Variants in HMGN5 observed in about 807,000 individuals in gnomAD.
HMGN5 encodes high mobility group nucleosome-binding domain-containing protein 5.
Under a neutral mutation model 9.5 loss-of-function variants are expected in HMGN5, and 4 were observed. The ratio of observed to expected loss-of-function variants is 0.42; its 90% CI spans 0.21 to 0.96. The LOEUF (loss-of-function observed/expected upper bound fraction) is 0.96, where lower values mean the gene tolerates loss of function less well. Ranked by LOEUF, HMGN5 falls within the 40% of genes least tolerant of loss-of-function variation. HMGN5 has a pLI of 0.30. For missense variants in HMGN5, 192 were observed against 187.5 expected, an observed-to-expected ratio of 1.02 and a Z score of -0.14; for synonymous variants, 55 against 57.1, an observed-to-expected ratio of 0.96 and a Z score of 0.16.
chrX:81,186,868 C>T (rs2075478963), intron 1 of HMGN5, among the ~76,000 whole-genome samples: 1 of 110,765 alleles, frequency 9.0e-6, no homozygotes, highest in African/African-American at 3.3e-5. Flanking sequence ...GTGCTTTTGC[C>T]GTATCTCATA....
At chrX:81,199,727 T>C (rs778138403) in intron 1 of HMGN5, among the ~76,000 whole-genome samples, 4 of 111,922 alleles carry the variant, frequency 3.6e-5, no homozygotes, top group African/African-American at 1.3e-4. Flanking sequence ...AAAAATTGAC[T>C]CAAGATGGAT....
At chrX:81,132,065 CAACA>C (rs946090637) in intron 1 of HMGN5, among the ~76,000 whole-genome samples, 1 of 110,835 alleles carries the variant, frequency 9.0e-6, no homozygotes, top group Non-Finnish European at 1.9e-5. Flanking sequence ...TATTATACAC[CAACA>C]ACAGTCAAGC....
At chrX:81,160,075 G>C (rs971456616) in intron 1 of HMGN5, among the ~76,000 whole-genome samples, 1 of 111,744 alleles carries the variant, frequency 8.9e-6, no homozygotes, top group Admixed American at 9.5e-5. Flanking sequence ...AAATGCTTGT[G>C]ATGTTGTTGT....
chrX:81,191,959 A>G (rs937968970), intron 1 of HMGN5, among the ~76,000 whole-genome samples: 9 of 110,696 alleles, frequency 8.1e-5, no homozygotes, highest in African/African-American at 2.9e-4. Flanking sequence ...ACACTATTGA[A>G]GCTGATTGTG....
At chrX:81,115,625 T>C (rs1263976867) in intron 6 of HMGN5, among the ~76,000 whole-genome samples, 1 of 112,178 alleles carries the variant, frequency 8.9e-6, no homozygotes, top group Non-Finnish European at 1.9e-5. Flanking sequence ...ATTTTGTTTC[T>C]ATAATAATGA....
In HMGN5 at chrX:81,139,516, T is replaced by A. The variant is rs775432915; in HGVS notation, c.-123-17844A>T. Among the ~76,000 whole-genome samples the A allele has an allele frequency of 5.4e-5, 6 of 110,665 alleles. 1 individual carries two copies. The South Asian group carries it at 2.3e-3, about 42-fold the overall frequency. Reference sequence around the variant, plus strand: ...CTATCTACACAGAAAAAAAAAAACATCTTCATAAGAAGCAAAAATCAGGTG... The same window carrying A: ...CTATCTACACAGAAAAAAAAAAACAACTTCATAAGAAGCAAAAATCAGGTG... On this transcript the variant is annotated intron_variant, in intron 1 of 6. Transcript: ENST00000358130.
rs1447069150 is a variant in HMGN5, at chrX:81,114,932, C to A, written c.566G>T (p.Gly189Val). 1 of 1,160,716 alleles carries A rather than the reference C, an allele frequency of 8.6e-7. No homozygotes were observed. ...GEDGKGNGED[G>V]KEKGEDEKEE... ...TTTTTCATCTTCTCCTTTCTCTTTT[C>A]CATCTTCTCCATTTCCTTTTCCGTC... is the stretch of plus-strand genomic sequence containing the variant. Residue 189 changes from glycine (G) to valine (V), a missense_variant, in exon 7 of 7, where the codon GGA becomes GTA. Physicochemically the swap from Gly to Val is moderately radical, Grantham distance 109 (BLOSUM62 -3). Coordinates refer to ENST00000358130, the MANE Select transcript of HMGN5 (RefSeq NM_030763.3).
At chrX:81,121,138 C>T (rs755879708) in intron 2 of HMGN5, among the ~76,000 whole-genome samples, 1 of 109,749 alleles carries the variant, frequency 9.1e-6, no homozygotes, top group South Asian at 4.2e-4. Context: ...TTTCGTTCCC[C>T]AGACGGGACG....
intron 1 of HMGN5, among the ~76,000 whole-genome samples, chrX:81,172,721 A>C (rs1198766047): frequency 9.0e-6 from 1 of 111,147 alleles, no homozygotes; most frequent in Non-Finnish European, 1.9e-5. Context: ...CATGATCATA[A>C]AACATAACAT....
intron 1 of HMGN5, among the ~76,000 whole-genome samples, chrX:81,190,975 G>A (rs985853758): frequency 9.0e-6 from 1 of 111,313 alleles, no homozygotes; most frequent in Non-Finnish European, 1.9e-5. Context: ...TAGCTTTATA[G>A]TATGCCTTGA....
intron 6 of HMGN5, among the ~76,000 whole-genome samples, chrX:81,115,969 A>G (rs1304791761): frequency 8.9e-6 from 1 of 111,923 alleles, no homozygotes; most frequent in Non-Finnish European, 1.9e-5. Flanking sequence ...ACTAAGTCAT[A>G]ATCATTGGCA....
At chrX:81,155,942 G>A (rs192329061) in intron 1 of HMGN5, among the ~76,000 whole-genome samples, 1 of 111,567 alleles carries the variant, frequency 9.0e-6, no homozygotes, top group East Asian at 2.8e-4. Context: ...ATGTGAACAA[G>A]GTCAGAGGAT....
In HMGN5 at chrX:81,115,177, A is replaced by G. The variant is rs1183434045; in HGVS notation, c.321T>C (p.Asp107=). 1.7e-6 allele frequency: 2 copies of G among 1,172,140 alleles called. No homozygotes were observed. The highest frequency in any genetic ancestry group is 6.1e-5 in the East Asian group (2 of 32,807). The change falls in exon 7 of 7, where the codon GAT becomes GAC. Residue 107 remains aspartate, a synonymous_variant. Coordinates refer to ENST00000358130, the MANE Select transcript of HMGN5 (RefSeq NM_030763.3). ...TCTTTTCTCCTCCCTTTTCTGTGGC[A>G]TCTTCAATATTTTCTTCTTTTACTT... is the stretch of plus-strand genomic sequence containing the variant. ...IVEVKEENIE[D]ATEKGGEKKE... is the part of the protein sequence containing the mutation.
intron 1 of HMGN5, among the ~76,000 whole-genome samples, chrX:81,135,778 T>C (rs1336811337): frequency 9.0e-6 from 1 of 110,699 alleles, no homozygotes; most frequent in Non-Finnish European, 1.9e-5. Context: ...GTGCTATGTT[T>C]TGGATGTGTT....
Position 81,176,066 on chromosome X carries a change from G to A in HMGN5, c.-124+25671C>T, listed in dbSNP as rs958861273. On this transcript the variant is annotated intron_variant, in intron 1 of 6. Coordinates refer to ENST00000358130, the MANE Select transcript of HMGN5 (RefSeq NM_030763.3). ...ATATAGGTGGGTGCCCCTCTGGGAG[G>A]AAGCTTCCAGAGGAAGGATCAGCCA... 8.1e-5 allele frequency among the ~76,000 whole-genome samples: 9 copies of A among 111,410 alleles called. 1 individual carries two copies. Among genetic ancestry groups the A allele is most frequent in the African/African-American group, 2.6e-4 (8 of 30,622 alleles).
chrX:81,188,053 C>T (rs1448430504), intron 1 of HMGN5, among the ~76,000 whole-genome samples: 2 of 109,609 alleles, frequency 1.8e-5, no homozygotes, highest in Non-Finnish European at 3.8e-5. Context: ...GTTGTTTCTA[C>T]TTATATCTTA....
intron 1 of HMGN5, among the ~76,000 whole-genome samples, chrX:81,144,684 G>A (rs1431073041): frequency 9.0e-6 from 1 of 111,423 alleles, no homozygotes; most frequent in Non-Finnish European, 1.9e-5. Flanking sequence ...CAGAAGGTGG[G>A]TAATAACAAA....
At chrX:81,201,217 C>CTT (rs201784414) in intron 1 of HMGN5, among the ~76,000 whole-genome samples, 2 of 108,945 alleles carry the variant, frequency 1.8e-5, no homozygotes, top group African/African-American at 6.7e-5. Flanking sequence ...TTGCAAATTC[C>CTT]TTTTTTTCTG....
At chrX:81,125,491 A>G (rs756560637) in intron 1 of HMGN5, among the ~76,000 whole-genome samples, 1 of 111,399 alleles carries the variant, frequency 9.0e-6, no homozygotes, top group South Asian at 3.8e-4. Flanking sequence ...CTCTGGAAAA[A>G]CTGTAATTCT....
Sources: gnomAD v4.1 joint callset for allele counts (sites outside exome capture counted in the v4.1 genomes callset) on GRCh38, gnomAD v4.1.1 for gene constraint, MANE v1.5 for transcripts, NCBI Gene and HGNC (gene_info 2026-07-23, HGNC 2026-07-21) for gene names.